PLCL1: variants seen among roughly 807,000 people sequenced by gnomAD.
PLCL1 encodes inactive phospholipase C-like protein 1.
PLCL1 carries 41 observed loss-of-function variants against 84.4 expected under a neutral mutation model. That is an observed-to-expected ratio of 0.49 (90% CI 0.38 to 0.63). The LOEUF (loss-of-function observed/expected upper bound fraction) is 0.63, where lower values mean the gene tolerates loss of function less well. PLCL1 is among the 30% of genes least tolerant of loss of function. The pLI is 0.00. For missense variants in PLCL1, 1,206 were observed against 1,367.8 expected, an observed-to-expected ratio of 0.88 and a Z score of 1.87; for synonymous variants, 490 against 488.3, an observed-to-expected ratio of 1.00 and a Z score of -0.05.
chr2:198,119,813 G>A (rs1238649507), intron 5 of PLCL1, among the ~76,000 whole-genome samples: 1 of 151,970 alleles, frequency 6.6e-6, no homozygotes, highest in African/African-American at 2.4e-5. Flanking sequence ...TGGGGACTGT[G>A]TTTTAGTACA....
At chr2:197,942,551 C>G (rs1689179282) in intron 1 of PLCL1, among the ~76,000 whole-genome samples, 1 of 152,074 alleles carries the variant, frequency 6.6e-6, no homozygotes, top group African/African-American at 2.4e-5. Flanking sequence ...CATTTCAAAG[C>G]AGGAAATAAA....
At chr2:197,883,653 A>G (rs1687869350) in intron 1 of PLCL1, among the ~76,000 whole-genome samples, 1 of 152,226 alleles carries the variant, frequency 6.6e-6, no homozygotes, top group African/African-American at 2.4e-5. Flanking sequence ...GCAACTATAC[A>G]TATAAGTAGT....
At chr2:197,982,957 GT>G (rs1359098542) in intron 1 of PLCL1, among the ~76,000 whole-genome samples, 4 of 151,952 alleles carry the variant, frequency 2.6e-5, no homozygotes, top group Non-Finnish European at 4.4e-5. Context: ...TTAGCTAAAT[GT>G]TTGTTTGCTT....
chr2:197,868,144 C>A (rs190611297), intron 1 of PLCL1, among the ~76,000 whole-genome samples: 2 of 152,240 alleles, frequency 1.3e-5, no homozygotes, highest in Admixed American at 6.5e-5. Flanking sequence ...GTTTTGTGAA[C>A]CTTTTATGTC....
chr2:197,866,441 T>C (rs1687547006), intron 1 of PLCL1, among the ~76,000 whole-genome samples: 1 of 151,968 alleles, frequency 6.6e-6, no homozygotes, highest in African/African-American at 2.4e-5. Flanking sequence ...ATAGGGCTAC[T>C]TACCTGAATG....
Position 198,084,397 on chromosome 2 carries a change from C to T in PLCL1, c.880C>T (p.Leu294=). Reference sequence around the variant, plus strand: ...AGAAATCCAGAAGAGCAAGGAAAAACTAACCACCCGCGTGACCGAAGAGGA... The same window carrying T: ...AGAAATCCAGAAGAGCAAGGAAAAATTAACCACCCGCGTGACCGAAGAGGA... ...FKEIQKSKEK[L]TTRVTEEEFC... Residue 294 remains leucine, a synonymous_variant, in exon 2 of 6, where the codon CTA becomes TTA. Coordinates refer to ENST00000428675, the MANE Select transcript of PLCL1 (RefSeq NM_006226.4). 2 of 1,614,176 alleles carry T rather than the reference C, an allele frequency of 1.2e-6. No individual in the cohort carries two copies. Among genetic ancestry groups the T allele is most frequent in the Non-Finnish European group, 1.7e-6 (2 of 1,180,000 alleles).
chr2:198,100,827 G>A (rs1486856558), intron 3 of PLCL1, among the ~76,000 whole-genome samples: 1 of 151,776 alleles, frequency 6.6e-6, no homozygotes, highest in African/African-American at 2.4e-5. Context: ...GGAGAGACAG[G>A]GAGGATAAAA....
intron 1 of PLCL1, among the ~76,000 whole-genome samples, chr2:198,070,361 A>G (rs1277398769): frequency 6.6e-6 from 1 of 152,146 alleles, no homozygotes; most frequent in Non-Finnish European, 1.5e-5. Flanking sequence ...ATATGCTTAC[A>G]TCTACTCTCA....
At chr2:198,024,328 A>T (rs1691210785) in intron 1 of PLCL1, among the ~76,000 whole-genome samples, 1 of 152,144 alleles carries the variant, frequency 6.6e-6, no homozygotes, top group South Asian at 2.1e-4. Flanking sequence ...GCTAGCCACC[A>T]TGGCACATAT....
chr2:197,854,826 T>C (rs1216517970), intron 1 of PLCL1, among the ~76,000 whole-genome samples: 1 of 152,214 alleles, frequency 6.6e-6, no homozygotes, highest in Admixed American at 6.5e-5. Context: ...GGATGGCTTG[T>C]CACTTTTTTT....
intron 1 of PLCL1, among the ~76,000 whole-genome samples, chr2:197,898,264 G>C (rs898912443): frequency 1.3e-5 from 2 of 152,288 alleles, no homozygotes; most frequent in East Asian, 1.9e-4. Context: ...ACTATGCCAT[G>C]AGGTAGGTTA....
At chr2:197,922,152 C>T (rs1309562396) in intron 1 of PLCL1, among the ~76,000 whole-genome samples, 2 of 115,386 alleles carry the variant, frequency 1.7e-5, no homozygotes, top group African/African-American at 6.5e-5. Flanking sequence ...AGGCAGAGGA[C>T]CCTGCGGCCT....
chr2:198,116,010 A>C (rs935407230), intron 5 of PLCL1, among the ~76,000 whole-genome samples: 3 of 148,084 alleles, frequency 2.0e-5, no homozygotes, highest in Admixed American at 6.8e-5. Context: ...GATACATATA[A>C]ATATATAAAT....
chr2:198,140,468 G>A (rs999673939), intron 5 of PLCL1, among the ~76,000 whole-genome samples: 2 of 152,034 alleles, frequency 1.3e-5, no homozygotes, highest in African/African-American at 2.4e-5. Flanking sequence ...AGTAACTAGG[G>A]TCCTTCATTT....
intron 1 of PLCL1, among the ~76,000 whole-genome samples, chr2:197,869,562 T>A (rs1019972219): frequency 2.0e-5 from 3 of 152,126 alleles, no homozygotes; most frequent in African/African-American, 7.2e-5. Flanking sequence ...GTGGTGAGGA[T>A]CATGTGAAGG....
intron 5 of PLCL1, among the ~76,000 whole-genome samples, chr2:198,114,854 T>C (rs776682474): frequency 2.0e-5 from 3 of 151,710 alleles, no homozygotes; most frequent in Non-Finnish European, 2.9e-5. Context: ...TACACACATA[T>C]ATGGTATGCA....
At chr2:197,889,859 T>A (rs1349155962) in intron 1 of PLCL1, among the ~76,000 whole-genome samples, 1 of 152,210 alleles carries the variant, frequency 6.6e-6, no homozygotes, top group Non-Finnish European at 1.5e-5. Context: ...CTTGAGTTCA[T>A]GTAAAATATT....
rs77348584 is a variant in PLCL1, at chr2:198,057,430, T to A, written c.241-26328T>A. Among the ~76,000 whole-genome samples, 1,390 of 152,198 alleles carry A rather than the reference T, an allele frequency of 9.1e-3. 24 individuals are homozygous for A. The highest frequency in any genetic ancestry group is 0.032 in the African/African-American group (1,325 of 41,506). On this transcript the variant is annotated intron_variant, in intron 1 of 5. Coordinates refer to ENST00000428675, the MANE Select transcript of PLCL1 (RefSeq NM_006226.4). ...TTGTACACATTGTTTCATTTAGTCTTCTCGGTACACCTTTAAGGCAGGTAT... is the reference window on the plus strand; with the variant it reads ...TTGTACACATTGTTTCATTTAGTCTACTCGGTACACCTTTAAGGCAGGTAT...
chr2:198,083,137 G>A lies in PLCL1; in HGVS notation c.241-621G>A, dbSNP rs143872570. ...AATAACATTGCACTGAAATGCAGGC[G>A]TGAATTCCTATAATGTTAAAATCAA... On this transcript the variant is annotated intron_variant, in intron 1 of 5. Transcript: ENST00000428675. Among the ~76,000 whole-genome samples, 209 of 152,314 alleles carry A rather than the reference G, an allele frequency of 1.4e-3. 1 individual carries two copies. The highest frequency in any genetic ancestry group is 4.7e-3 in the African/African-American group (197 of 41,568).
Sources: gnomAD v4.1 joint callset for allele counts (sites outside exome capture counted in the v4.1 genomes callset) on GRCh38, gnomAD v4.1.1 for gene constraint, MANE v1.5 for transcripts, NCBI Gene and HGNC (gene_info 2026-07-23, HGNC 2026-07-21) for gene names.